FBXO10: variants seen among roughly 807,000 people sequenced by gnomAD.
The protein encoded by FBXO10 is F-box protein 10.
In FBXO10, 39 loss-of-function variants were observed where a neutral mutation model predicts 80.7. The ratio of observed to expected loss-of-function variants is 0.48; its 90% CI spans 0.37 to 0.63. The LOEUF is 0.63. Among genes scored for constraint, FBXO10 ranks in the 30% least tolerant of loss-of-function variants. FBXO10 has a pLI of 0.00. For synonymous variants in FBXO10, 449 were observed against 489.6 expected (o/e 0.92, Z 1.09); for missense variants, 1,025 against 1,269.0 (o/e 0.81, Z 2.92).
intron 3 of FBXO10, among the ~76,000 whole-genome samples, chr9:37,534,364 T>G (rs1821702969): frequency 6.6e-6 from 1 of 152,200 alleles, no homozygotes; most frequent in African/African-American, 2.4e-5. Context: ...CCGGCTAGCC[T>G]GAATGCTACA....
rs575774548 is a variant in FBXO10 at position 37,554,108 on chromosome 9, T to C, written c.-6-12334A>G. On this transcript the variant is annotated intron_variant, in intron 1 of 10. Coordinates refer to ENST00000432825, the MANE Select transcript of FBXO10 (RefSeq NM_012166.3). ...ACTTGTGTATGTGTATTAAGTTCTATACAATTTTATCACCTGTGTAACTTT... is the reference window on the plus strand; with the variant it reads ...ACTTGTGTATGTGTATTAAGTTCTACACAATTTTATCACCTGTGTAACTTT... Among the ~76,000 whole-genome samples, 8 of 152,322 alleles carry C rather than the reference T, an allele frequency of 5.3e-5. No homozygotes were observed. The South Asian group carries it at 6.2e-4, about 12-fold the overall frequency.
intron 1 of FBXO10, among the ~76,000 whole-genome samples, chr9:37,542,612 A>AAAAG (rs397707121): frequency 2.0e-5 from 3 of 151,024 alleles, no homozygotes; most frequent in African/African-American, 7.3e-5. Flanking sequence ...AAAAAAAAAA[A>AAAAG]GGATACGACT....
chr9:37,562,873 C>T (rs1043516435), intron 1 of FBXO10, among the ~76,000 whole-genome samples: 2 of 152,132 alleles, frequency 1.3e-5, no homozygotes, highest in Non-Finnish European at 2.9e-5. Context: ...TCTGGCAGAA[C>T]AAAGATATGT....
In FBXO10 at chr9:37,512,174, G is replaced by C. The variant is rs766236070; in HGVS notation, c.*373C>G. On this transcript the variant is annotated 3_prime_UTR_variant, in exon 11 of 11. Coordinates refer to ENST00000432825, the MANE Select transcript of FBXO10 (RefSeq NM_012166.3). Reference sequence around the variant, plus strand: ...CTCCACCTCACTAGAATCACTTCCCGCCATCAGAAGTAAATCTGCTCTTTC... The same window carrying C: ...CTCCACCTCACTAGAATCACTTCCCCCCATCAGAAGTAAATCTGCTCTTTC... 6.2e-6 allele frequency: 1 copy of C among 161,674 alleles called. No individual in the cohort carries two copies. Among genetic ancestry groups the C allele is most frequent in the Admixed American group, 6.4e-5 (1 of 15,728 alleles). 10.0% of individuals were successfully genotyped at this position (161,674 alleles called of 1,614,324 possible). A position where few individuals can be genotyped will look rare whatever the true frequency, so the allele number is the denominator to read the frequency against.
chr9:37,545,113 C>T (rs1179934890), intron 1 of FBXO10, among the ~76,000 whole-genome samples: 1 of 149,000 alleles, frequency 6.7e-6, no homozygotes, highest in South Asian at 2.1e-4. Flanking sequence ...TTATTTATGG[C>T]GGCTTCTATG....
chr9:37,517,316 T>G (rs1444316231), intron 9 of FBXO10, among the ~76,000 whole-genome samples: 2 of 151,992 alleles, frequency 1.3e-5, no homozygotes, highest in Non-Finnish European at 2.9e-5. Context: ...ACTAAAGAAC[T>G]TATCCATATA....
chr9:37,571,526 C>T (rs1000135741), intron 1 of FBXO10, among the ~76,000 whole-genome samples: 1 of 151,720 alleles, frequency 6.6e-6, no homozygotes, highest in African/African-American at 2.4e-5. Flanking sequence ...ACAGATGTCC[C>T]TTTCTCCAGA....
intron 1 of FBXO10, among the ~76,000 whole-genome samples, chr9:37,573,314 G>A (rs748051770): frequency 6.6e-6 from 1 of 152,148 alleles, no homozygotes; most frequent in African/African-American, 2.4e-5. Context: ...CAGGACACCA[G>A]GGGAACCCAG....
At chr9:37,553,062 A>G (rs1463581287) in intron 1 of FBXO10, among the ~76,000 whole-genome samples, 1 of 149,690 alleles carries the variant, frequency 6.7e-6, no homozygotes, top group East Asian at 2.0e-4. Flanking sequence ...ATTTTTTTTG[A>G]GATGGAGTCT....
At chr9:37,513,119 C>T (rs1821104805) in intron 10 of FBXO10, among the ~76,000 whole-genome samples, 1 of 152,176 alleles carries the variant, frequency 6.6e-6, no homozygotes, top group Non-Finnish European at 1.5e-5. Flanking sequence ...GCTTGAGCCA[C>T]TGCATCCAGC....
intron 1 of FBXO10, among the ~76,000 whole-genome samples, chr9:37,546,838 G>A (rs1443315785): frequency 6.6e-6 from 1 of 151,676 alleles, no homozygotes; most frequent in Non-Finnish European, 1.5e-5. Flanking sequence ...GCGCCACCAC[G>A]CCTGGCTAAT....
intron 2 of FBXO10, 38 bp downstream of exon 2, chr9:37,541,146 C>T (rs377724597): frequency 9.9e-5 from 151 of 1,522,834 alleles, no homozygotes; most frequent in Non-Finnish European, 1.2e-4. Context: ...CCTCTGGGGT[C>T]AGAACTAGAA....
intron 3 of FBXO10, among the ~76,000 whole-genome samples, chr9:37,533,567 T>C (rs1821681472): frequency 6.8e-6 from 1 of 146,634 alleles, no homozygotes; most frequent in East Asian, 2.0e-4. Flanking sequence ...AAAATTGAAT[T>C]AAAAAAAACA....
chr9:37,532,100 TA>T (rs1373939129), intron 3 of FBXO10, 42 bp from the exon 4 acceptor site: 4 of 1,580,172 alleles, frequency 2.5e-6, no homozygotes, highest in Non-Finnish European at 1.7e-6. Flanking sequence ...CTGTTACAAA[TA>T]TTTTTTTAGA....
At chr9:37,574,304 T>C (rs982134820) in intron 1 of FBXO10, among the ~76,000 whole-genome samples, 2 of 152,200 alleles carry the variant, frequency 1.3e-5, no homozygotes, top group African/African-American at 2.4e-5. Flanking sequence ...AAGGAAGGGA[T>C]AGTGTAACTG....
Position 37,524,263 on chromosome 9 carries a change from C to A in FBXO10, c.1777+839G>T, listed in dbSNP as rs1821414159. Among the ~76,000 whole-genome samples, 3 of 152,232 alleles carry A rather than the reference C, an allele frequency of 2.0e-5. No individual in the cohort carries two copies. The South Asian group carries it at 6.2e-4, about 32-fold the overall frequency. ...ACACAATCCCAAATGCCTACCCAGT[C>A]CCTCTTTTGCCTTAATTATCCATAG... is the stretch of plus-strand genomic sequence containing the variant. On this transcript the variant is annotated intron_variant, in intron 6 of 10. Transcript: ENST00000432825.
chr9:37,545,780 A>T (rs1220972272), intron 1 of FBXO10, among the ~76,000 whole-genome samples: 1 of 152,212 alleles, frequency 6.6e-6, no homozygotes, highest in Non-Finnish European at 1.5e-5. Flanking sequence ...GCCATAAACA[A>T]CTATAAAGCT....
chr9:37,567,942 A>C (rs1296365914), intron 1 of FBXO10, among the ~76,000 whole-genome samples: 1 of 152,112 alleles, frequency 6.6e-6, no homozygotes, highest in Non-Finnish European at 1.5e-5. Flanking sequence ...CCTCTACCTC[A>C]CAGGATGGAT....
At chr9:37,563,262 T>C (rs1267467459) in intron 1 of FBXO10, among the ~76,000 whole-genome samples, 2 of 152,186 alleles carry the variant, frequency 1.3e-5, no homozygotes, top group African/African-American at 4.8e-5. Flanking sequence ...ACCTCTTTTG[T>C]TTATAAATTA....
Sources: allele counts gnomAD v4.1 joint callset (sites outside exome capture counted in the v4.1 genomes callset), GRCh38; gene constraint gnomAD v4.1.1; transcripts MANE v1.5; gene names NCBI Gene and HGNC (gene_info 2026-07-23, HGNC 2026-07-21).